ACAD11: variants seen among roughly 807,000 people sequenced by gnomAD.
ACAD11 encodes acyl-CoA dehydrogenase family member 11, also known as acyl-Coenzyme A dehydrogenase family, member 11.
ACAD11 carries 83 observed loss-of-function variants against 102.2 expected under a neutral mutation model. The ratio of observed to expected loss-of-function variants is 0.81; its 90% confidence interval spans 0.68 to 0.97. ACAD11 has a LOEUF of 0.97. Ranked by LOEUF, ACAD11 falls within the 50% of genes least tolerant of loss-of-function variation. The probability of loss-of-function intolerance (pLI) is 0.00; values close to 1 mark genes in which losing one functional copy is unlikely to be tolerated. For synonymous variants in ACAD11, 324 were observed against 319.8 expected (o/e 1.01, Z -0.14); for missense variants, 901 against 951.7 (o/e 0.95, Z 0.70).
intron 1 of ACAD11, among the ~76,000 whole-genome samples, chr3:132,650,993 T>C (rs757101207): frequency 6.6e-6 from 1 of 152,188 alleles, no homozygotes; most frequent in Admixed American, 6.5e-5. Context: ...CACAATTCCA[T>C]ACAGCTTCAA....
intron 13 of ACAD11, among the ~76,000 whole-genome samples, chr3:132,586,851 G>A (rs1443239348): frequency 1.3e-5 from 2 of 152,206 alleles, no homozygotes; most frequent in East Asian, 1.9e-4. Flanking sequence ...CCAACACTTT[G>A]GGAAGCTGAG....
chr3:132,566,296 C>CAAAAAAAAAAA (rs371477145), intron 17 of ACAD11, among the ~76,000 whole-genome samples: 2 of 61,872 alleles, frequency 3.2e-5, no homozygotes, highest in Non-Finnish European at 8.1e-5. Flanking sequence ...AAAACAAACT[C>CAAAAAAAAAAA]AAAAAAACAA....
chr3:132,651,658 G>A (rs1049806187), intron 1 of ACAD11, among the ~76,000 whole-genome samples: 1 of 151,960 alleles, frequency 6.6e-6, no homozygotes, highest in Non-Finnish European at 1.5e-5. Context: ...CATATCCCCC[G>A]ACCATATCCT....
rs749550750 is a variant in ACAD11, at chr3:132,561,199, T to A, written c.2020A>T (p.Ile674Phe). ...LYAHEVVAHW[I>F]AESRIAIEKI... is the part of the protein sequence containing the mutation. Reference sequence around the variant, plus strand: ...TCAATGGCAATGCGGCTTTCAGCAATCCAGTGAGCCACAACCTCCTATAGG... The same window carrying A: ...TCAATGGCAATGCGGCTTTCAGCAAACCAGTGAGCCACAACCTCCTATAGG... The change falls in exon 18 of 20, where the codon ATT becomes TTT. Residue 674 changes from isoleucine to phenylalanine, a missense_variant. Coordinates refer to ENST00000264990, the MANE Select transcript of ACAD11 (RefSeq NM_032169.5). 1 of 1,612,996 alleles carries A rather than the reference T, an allele frequency of 6.2e-7. No individual in the cohort carries two copies. The highest frequency in any genetic ancestry group is 1.3e-5 in the African/African-American group (1 of 74,866).
At chr3:132,616,686 A>T (rs1240291781) in intron 11 of ACAD11, among the ~76,000 whole-genome samples, 3 of 152,220 alleles carry the variant, frequency 2.0e-5, no homozygotes, top group African/African-American at 7.2e-5. Flanking sequence ...GCAATCAAAA[A>T]TGTTTTAAAC....
chr3:132,568,491 A>C (rs1282834286), intron 17 of ACAD11, among the ~76,000 whole-genome samples: 2 of 152,216 alleles, frequency 1.3e-5, no homozygotes, highest in Non-Finnish European at 2.9e-5. Flanking sequence ...TTGCAGATAT[A>C]GACAAGATTA....
intron 13 of ACAD11, chr3:132,600,362 C>G (rs1358398580): frequency 6.6e-7 from 1 of 1,507,586 alleles, no homozygotes; most frequent in East Asian, 2.3e-5. Context: ...AGACAAATAT[C>G]TATCCTGTAT....
In ACAD11 at chr3:132,580,185, TCAAA is replaced by T. The variant is rs1422621062; in HGVS notation, c.1622-631_1622-628del. Among the ~76,000 whole-genome samples the T allele has an allele frequency of 7.2e-5, 11 of 152,152 alleles. No individual in the cohort carries two copies. The East Asian group carries it at 1.7e-3, about 24-fold the overall frequency. On this transcript the variant is annotated intron_variant, in intron 13 of 19. Coordinates refer to ENST00000264990, the MANE Select transcript of ACAD11 (RefSeq NM_032169.5). ...AAGTTAAACACATCTGTACAAAGTC[TCAAA>T]CAAATGATCGGATTCTTTTTTCTGA... is the stretch of plus-strand genomic sequence containing the variant.
At chr3:132,587,350 G>A (rs1937885277) in intron 13 of ACAD11, among the ~76,000 whole-genome samples, 1 of 151,824 alleles carries the variant, frequency 6.6e-6, no homozygotes, top group South Asian at 2.1e-4. Flanking sequence ...AATTTCTGTT[G>A]TCTATCTTCA....
At chr3:132,600,579 T>C in intron 13 of ACAD11, 1 of 1,613,986 alleles carries the variant, frequency 6.2e-7, no homozygotes, top group Non-Finnish European at 8.5e-7. Flanking sequence ...GGCAATTCCA[T>C]GGTAGTGGCA....
At chr3:132,625,748 T>C (rs1398530639) in intron 9 of ACAD11, among the ~76,000 whole-genome samples, 4 of 152,220 alleles carry the variant, frequency 2.6e-5, no homozygotes, top group Non-Finnish European at 4.4e-5. Flanking sequence ...ACATTTCTGT[T>C]AAAAGGATTT....
At chr3:132,595,332 T>C (rs1285042579) in intron 13 of ACAD11, among the ~76,000 whole-genome samples, 1 of 151,646 alleles carries the variant, frequency 6.6e-6, no homozygotes, top group African/African-American at 2.4e-5. Flanking sequence ...GGCAAAGGGG[T>C]GAGTAGTGTG....
intron 13 of ACAD11, among the ~76,000 whole-genome samples, chr3:132,602,804 A>T (rs1322705538): frequency 6.6e-6 from 1 of 152,068 alleles, no homozygotes; most frequent in Non-Finnish European, 1.5e-5. Context: ...TTAATTAATT[A>T]TTTTTTCATT....
intron 11 of ACAD11, 100 bp downstream of exon 11, chr3:132,618,534 G>A: frequency 9.4e-7 from 1 of 1,068,378 alleles, no homozygotes; most frequent in Non-Finnish European, 1.2e-6. Context: ...AAATTCATAA[G>A]TCAATAACTT....
At chr3:132,615,459 A>G (rs1485404793) in intron 11 of ACAD11, among the ~76,000 whole-genome samples, 2 of 152,220 alleles carry the variant, frequency 1.3e-5, no homozygotes. Context: ...GATAAAGAAA[A>G]TGTGACACAT....
intron 11 of ACAD11, among the ~76,000 whole-genome samples, chr3:132,611,210 A>G (rs61292904): frequency 0.26 from 39,820 of 151,910 alleles, 7,889 homozygotes; most frequent in African/African-American, 0.56. Flanking sequence ...ATTAGGTATC[A>G]ATGGGACGTA....
At chr3:132,655,611 G>A (rs1016613921) in intron 1 of ACAD11, among the ~76,000 whole-genome samples, 3 of 152,130 alleles carry the variant, frequency 2.0e-5, no homozygotes, top group Admixed American at 1.3e-4. Context: ...AATGCCGTGT[G>A]CTCGAGGAAA....
chr3:132,596,792 T>C (rs1236509796), intron 13 of ACAD11, among the ~76,000 whole-genome samples: 1 of 152,204 alleles, frequency 6.6e-6, no homozygotes, highest in African/African-American at 2.4e-5. Flanking sequence ...TTTAAATAAA[T>C]ATTAAATGAT....
At chr3:132,574,477 A>G (rs1330184573) in intron 17 of ACAD11, among the ~76,000 whole-genome samples, 1 of 152,222 alleles carries the variant, frequency 6.6e-6, no homozygotes, top group East Asian at 1.9e-4. Context: ...TTTTCAGTTA[A>G]AAAACTATAC....
Sources: gnomAD v4.1 joint callset for allele counts (sites outside exome capture counted in the v4.1 genomes callset) on GRCh38, gnomAD v4.1.1 for gene constraint, MANE v1.5 for transcripts, NCBI Gene and HGNC (gene_info 2026-07-23, HGNC 2026-07-21) for gene names.